Variants in PDE11A observed in about 807,000 individuals in gnomAD.
The protein encoded by PDE11A is dual 3',5'-cyclic-AMP and -GMP phosphodiesterase 11A.
In PDE11A, 100 loss-of-function variants were observed where a neutral mutation model predicts 100.5. That is an observed-to-expected ratio of 1.00 (90% confidence interval 0.85 to 1.18). PDE11A has a LOEUF of 1.18. Among genes scored for constraint, PDE11A ranks in the 50% most tolerant of loss-of-function variants. The probability of loss-of-function intolerance (pLI) is 0.00; values close to 1 mark genes in which losing one functional copy is unlikely to be tolerated. For synonymous variants in PDE11A, 381 were observed against 420.8 expected (o/e 0.91, Z 1.16); for missense variants, 1,141 against 1,152.6 (o/e 0.99, Z 0.15).
chr2:177,667,464 T>C (rs901955584), intron 18 of PDE11A, among the ~76,000 whole-genome samples: 1 of 152,192 alleles, frequency 6.6e-6, no homozygotes, highest in African/African-American at 2.4e-5. Context: ...TTCTTTTGCC[T>C]GTGGATATGC....
At chr2:178,027,947 C>A (rs186603967) in intron 1 of PDE11A, among the ~76,000 whole-genome samples, 278 of 152,184 alleles carry the variant, frequency 1.8e-3, no homozygotes, top group African/African-American at 6.3e-3. Context: ...AACTATTAAA[C>A]CAGTAAATAT....
chr2:177,631,541 AT>A (rs2079935926), intron 19 of PDE11A, among the ~76,000 whole-genome samples: 1 of 26,142 alleles, frequency 3.8e-5, no homozygotes, highest in African/African-American at 1.5e-4. Context: ...ATATATATAT[AT>A]ATATACACAT....
intron 2 of PDE11A, among the ~76,000 whole-genome samples, chr2:177,919,245 G>A (rs980752447): frequency 2.2e-5 from 3 of 138,724 alleles, no homozygotes; most frequent in African/African-American, 8.1e-5. Flanking sequence ...CTATAGGCGC[G>A]CACCACCATG....
intron 5 of PDE11A, among the ~76,000 whole-genome samples, chr2:177,841,078 A>AGG (rs959814498): frequency 5.9e-5 from 9 of 152,228 alleles, no homozygotes; most frequent in African/African-American, 2.2e-4. Context: ...TTCATATTTA[A>AGG]TTTGAACAAG....
chr2:178,066,727 C>T (rs1412919389), intron 1 of PDE11A, among the ~76,000 whole-genome samples: 1 of 152,136 alleles, frequency 6.6e-6, no homozygotes, highest in Non-Finnish European at 1.5e-5. Flanking sequence ...AGGATGTGGC[C>T]CTCCTCACCC....
At chr2:178,027,358 T>C (rs949248593) in intron 1 of PDE11A, among the ~76,000 whole-genome samples, 3 of 152,178 alleles carry the variant, frequency 2.0e-5, no homozygotes, top group African/African-American at 7.2e-5. Flanking sequence ...TGGTTTAGAA[T>C]TCAGTAAAAT....
chr2:177,739,312 C>T (rs967319400), intron 10 of PDE11A, among the ~76,000 whole-genome samples: 1 of 152,186 alleles, frequency 6.6e-6, no homozygotes, highest in Non-Finnish European at 1.5e-5. Flanking sequence ...TGGGATTAGA[C>T]TTAGTAGCTA....
At chr2:177,720,443 A>G (rs1268674813) in intron 12 of PDE11A, among the ~76,000 whole-genome samples, 2 of 152,070 alleles carry the variant, frequency 1.3e-5, no homozygotes, top group African/African-American at 2.4e-5. Flanking sequence ...AGGGGAAAAA[A>G]TCCCTACTGA....
At chr2:177,839,411 T>C (rs1029872275) in intron 6 of PDE11A, among the ~76,000 whole-genome samples, 7 of 152,344 alleles carry the variant, frequency 4.6e-5, no homozygotes, top group African/African-American at 1.7e-4. Context: ...CATTCTAAAA[T>C]ATAACTCTTG....
intron 1 of PDE11A, among the ~76,000 whole-genome samples, chr2:178,058,556 A>G (rs781044539): frequency 3.3e-5 from 5 of 152,208 alleles, no homozygotes; most frequent in Non-Finnish European, 5.9e-5. Flanking sequence ...CTGTGAGTCC[A>G]TTAAGCCTCT....
intron 19 of PDE11A, among the ~76,000 whole-genome samples, chr2:177,662,683 T>C (rs2080501288): frequency 6.6e-6 from 1 of 152,212 alleles, no homozygotes; most frequent in African/African-American, 2.4e-5. Context: ...AACATTATGT[T>C]CCTTTTATAA....
At chr2:178,096,602 G>A (rs908212479) in intron 2 of PDE11A, among the ~76,000 whole-genome samples, 6 of 152,070 alleles carry the variant, frequency 3.9e-5, no homozygotes, top group African/African-American at 9.7e-5. Context: ...TCTCAAGTTC[G>A]AAGTCCCATA....
intron 14 of PDE11A, 126 bp downstream of exon 14, chr2:177,700,995 A>T (rs2081188046): frequency 1.4e-6 from 1 of 726,242 alleles, no homozygotes; most frequent in South Asian, 1.5e-5. Context: ...AGGCCCATTA[A>T]GTTGACTTAG....
intron 1 of PDE11A, among the ~76,000 whole-genome samples, chr2:178,058,917 C>CATA (rs1444889207): frequency 6.6e-6 from 1 of 152,184 alleles, no homozygotes; most frequent in Non-Finnish European, 1.5e-5. Context: ...TTGACAAAGT[C>CATA]ATAGTCTAGG....
chr2:178,029,620 A>G (rs2086519929), intron 1 of PDE11A, among the ~76,000 whole-genome samples: 1 of 152,114 alleles, frequency 6.6e-6, no homozygotes, highest in Non-Finnish European at 1.5e-5. Flanking sequence ...AGCAAAATAA[A>G]TTCAAGAAAA....
chr2:177,635,564 T>G (rs2080026410), intron 19 of PDE11A, among the ~76,000 whole-genome samples: 1 of 152,210 alleles, frequency 6.6e-6, no homozygotes, highest in Non-Finnish European at 1.5e-5. Flanking sequence ...CGTATTTTAT[T>G]TATGTTTTGA....
At position 177,784,140 on chromosome 2, in the gene PDE11A, G is replaced by C. The variant is rs2082495792; in HGVS notation, c.1738-14767C>G. Among the ~76,000 whole-genome samples the C allele has an allele frequency of 3.3e-5, 5 of 151,724 alleles. No individual in the cohort carries two copies. In the South Asian group the frequency reaches 1.0e-3, roughly 32 times the overall value. On this transcript the variant is annotated intron_variant, in intron 9 of 19. Coordinates refer to ENST00000286063, the MANE Select transcript of PDE11A (RefSeq NM_016953.4). ...TTTTAGGATTAAGGAAGAGTGCACA[G>C]TCTCTGAGGAGAGATGAAAAAGGAA... is the stretch of plus-strand genomic sequence containing the variant.
At chr2:177,757,509 AT>A (rs1412764669) in intron 10 of PDE11A, among the ~76,000 whole-genome samples, 2 of 152,190 alleles carry the variant, frequency 1.3e-5, no homozygotes, top group African/African-American at 4.8e-5. Flanking sequence ...ATGTATAATG[AT>A]TGGTATCATG....
chr2:177,860,008 A>G (rs928289841), intron 5 of PDE11A, among the ~76,000 whole-genome samples: 2 of 151,904 alleles, frequency 1.3e-5, no homozygotes, highest in African/African-American at 4.8e-5. Flanking sequence ...AAAAGGAAAA[A>G]TAAGGAATAA....
Sources: gnomAD v4.1 joint callset for allele counts (sites outside exome capture counted in the v4.1 genomes callset) on GRCh38, gnomAD v4.1.1 for gene constraint, MANE v1.5 for transcripts, NCBI Gene and HGNC (gene_info 2026-07-23, HGNC 2026-07-21) for gene names.